The following PDXK variants were observed in gnomAD, a reference collection of about 807,000 sequenced individuals.
The protein encoded by PDXK is epididymis secretory sperm binding protein Li 1a.
Under a neutral mutation model 43.2 loss-of-function variants are expected in PDXK, and 15 were observed. The observed-to-expected ratio is 0.35, with a 90% CI of 0.23 to 0.53. The LOEUF (loss-of-function observed/expected upper bound fraction) is 0.53, where lower values mean the gene tolerates loss of function less well. PDXK is among the 20% of genes least tolerant of loss of function. PDXK has a pLI of 0.92. For missense variants in PDXK, 343 were observed against 417.0 expected, an observed-to-expected ratio of 0.82 and a Z score of 1.54; for synonymous variants, 172 against 165.4, an observed-to-expected ratio of 1.04 and a Z score of -0.31.
chr21:43,719,966 G>T, intron 1 of PDXK: 3 of 968,468 alleles, frequency 3.1e-6, no homozygotes, highest in Non-Finnish European at 3.7e-6. Flanking sequence ...AAGAGGGTGG[G>T]GCAGGGGCTG....
chr21:43,750,090 C>T (rs1217366835), intron 6 of PDXK, among the ~76,000 whole-genome samples: 1 of 152,192 alleles, frequency 6.6e-6, no homozygotes, highest in Non-Finnish European at 1.5e-5. Flanking sequence ...CTGGGCCTGT[C>T]CAAACTTGGG....
chr21:43,743,865 C>T (rs2083590568), intron 4 of PDXK, 58 bp downstream of exon 4: 1 of 1,274,344 alleles, frequency 7.8e-7, no homozygotes, highest in African/African-American at 1.5e-5. Context: ...TGGGGCTGGC[C>T]TGGGAGCCCG....
rs1324549607 is a variant in PDXK at position 43,728,894 on chromosome 21, C to T, written c.88-5175C>T. 3.0e-6 allele frequency: 3 copies of T among 985,444 alleles called. No homozygotes were observed. In the African/African-American group the frequency reaches 5.2e-5, roughly 17 times the overall value. The allele number at this position is 985,444 out of a possible 1,614,324, so 61.0% of individuals were successfully genotyped here. On this transcript the variant is annotated intron_variant, in intron 1 of 10. Coordinates refer to ENST00000291565, the MANE Select transcript of PDXK (RefSeq NM_003681.5). ...AAGTTCCCAGGAGGAAGTTGCGACC[C>T]TTTCTAAGCCATCCCACTGGCCTGG...
At chr21:43,727,862 G>A (rs1028991102) in intron 1 of PDXK, among the ~76,000 whole-genome samples, 1 of 152,204 alleles carries the variant, frequency 6.6e-6, no homozygotes. Context: ...GTCACACCAG[G>A]GAGCCCATAT....
chr21:43,729,620 T>A (rs1053497180), intron 1 of PDXK, among the ~76,000 whole-genome samples: 3 of 151,924 alleles, frequency 2.0e-5, no homozygotes. Context: ...GGGTGGGGAA[T>A]GCACATGAGG....
intron 2 of PDXK, chr21:43,736,986 G>A (rs947817150): frequency 1.1e-5 from 8 of 703,036 alleles, no homozygotes; most frequent in South Asian, 3.0e-5. Context: ...CCAGGCTGGC[G>A]TGAAGTGGCG....
chr21:43,727,793 C>G (rs2083269418), intron 1 of PDXK, among the ~76,000 whole-genome samples: 1 of 152,216 alleles, frequency 6.6e-6, no homozygotes, highest in Non-Finnish European at 1.5e-5. Context: ...GGAGCAGACT[C>G]TGGAGCTAGA....
At position 43,723,238 on chromosome 21, in the gene PDXK, T is replaced by C. The variant is rs2083223137; in HGVS notation, c.87+3857T>C. Among the ~76,000 whole-genome samples the C allele has an allele frequency of 6.7e-6, 1 of 150,306 alleles. No homozygotes were observed. Among genetic ancestry groups the C allele is most frequent in the African/African-American group, 2.5e-5 (1 of 40,674 alleles). On this transcript the variant is annotated intron_variant, in intron 1 of 10. Coordinates refer to ENST00000291565, the MANE Select transcript of PDXK (RefSeq NM_003681.5). The surrounding 1 kb of genome is among the most constrained non-coding windows in gnomAD (Gnocchi z 4.1). ...GGAGCGATCTAGGCTCACTGCAACC[T>C]CCCCCTTCCAGGTACAAGCAATTCT...
At chr21:43,733,480 C>A in intron 1 of PDXK, 1 of 189,292 alleles carries the variant, frequency 5.3e-6, no homozygotes, top group Non-Finnish European at 9.8e-6. Context: ...AGGAAGGAGG[C>A]CCCCACTCCG....
At chr21:43,753,799 G>A (rs1354152617) in intron 9 of PDXK, 80 bp downstream of exon 9, 2 of 1,470,924 alleles carry the variant, frequency 1.4e-6, no homozygotes, top group African/African-American at 2.8e-5. Flanking sequence ...TCCTGGTGGG[G>A]GGTCCCTGCT....
chr21:43,728,171 G>A (rs917087425), intron 1 of PDXK, among the ~76,000 whole-genome samples: 3 of 152,258 alleles, frequency 2.0e-5, no homozygotes, highest in Non-Finnish European at 2.9e-5. Flanking sequence ...TGGGGGGCTC[G>A]GGGCCATTTC....
chr21:43,745,583 TC>T (rs775083131), intron 4 of PDXK: 49 of 163,962 alleles, frequency 3.0e-4, no homozygotes, highest in Admixed American at 5.1e-4. Context: ...TCCTGAATGC[TC>T]CTGAATTGTA....
chr21:43,752,285 TG>T (rs1286575672), intron 7 of PDXK, among the ~76,000 whole-genome samples: 1 of 152,192 alleles, frequency 6.6e-6, no homozygotes, highest in Non-Finnish European at 1.5e-5. Context: ...CAGTCACCTG[TG>T]GGGAGCCACA....
chr21:43,751,483 A>T (rs1309812747), intron 7 of PDXK, among the ~76,000 whole-genome samples: 3 of 152,230 alleles, frequency 2.0e-5, no homozygotes, highest in Non-Finnish European at 4.4e-5. Context: ...CAGGAGGCGG[A>T]GGTTGCAGTG....
At chr21:43,728,759 A>C (rs1411866089) in intron 1 of PDXK, 1 of 985,820 alleles carries the variant, frequency 1.0e-6, no homozygotes, top group East Asian at 1.1e-4. Flanking sequence ...GCGCCTGGGC[A>C]GGGGATGAGC....
At chr21:43,752,107 G>A (rs901370588) in intron 7 of PDXK, among the ~76,000 whole-genome samples, 43 of 151,768 alleles carry the variant, frequency 2.8e-4, no homozygotes, top group African/African-American at 1.0e-3. Context: ...GCACATGTGT[G>A]TGTGTGTGTG....
intron 5 of PDXK, among the ~76,000 whole-genome samples, chr21:43,746,402 C>T (rs1030711857): frequency 5.9e-5 from 9 of 152,052 alleles, no homozygotes; most frequent in Non-Finnish European, 1.3e-4. Context: ...GGTGTACAAA[C>T]ATGATGACTT....
chr21:43,755,621 A>G, intron 9 of PDXK, 77 bp from the exon 10 acceptor site: 1 of 1,228,794 alleles, frequency 8.1e-7, no homozygotes, highest in East Asian at 2.3e-5. Context: ...GTTCCCTGGA[A>G]ATCCCCTCCT....
chr21:43,737,104 C>A lies in PDXK; in HGVS notation c.142+2981C>A. 1 of 983,412 alleles carries A rather than the reference C, an allele frequency of 1.0e-6. No homozygotes were observed. The highest frequency in any genetic ancestry group is 1.6e-6 in the Non-Finnish European group (1 of 643,414). The allele number at this position is 983,412 out of a possible 1,614,324, so 60.9% of individuals were successfully genotyped here. ...TGCACCAGCACGCCCACCTCCTGCC[C>A]AGGGTTGTTACTGGGGTGGTCACGT... is the stretch of plus-strand genomic sequence containing the variant. On this transcript the variant is annotated intron_variant, in intron 2 of 10. Coordinates refer to ENST00000291565, the MANE Select transcript of PDXK (RefSeq NM_003681.5). The surrounding 1 kb of genome is among the most constrained non-coding windows in gnomAD (Gnocchi z 4.8).
Sources: gnomAD v4.1 joint callset for allele counts (sites outside exome capture counted in the v4.1 genomes callset) on GRCh38, gnomAD v4.1.1 for gene constraint, Gnocchi (gnomAD v3.1) non-coding constraint, MANE v1.5 for transcripts, NCBI Gene and HGNC (gene_info 2026-07-23, HGNC 2026-07-21) for gene names.